Variants in SENP6 observed in about 807,000 individuals in gnomAD.
The protein encoded by SENP6 is sentrin-specific protease 6.
A neutral mutation model predicts 134.5 loss-of-function variants in SENP6; 41 were observed. The ratio of observed to expected loss-of-function variants is 0.30; its 90% confidence interval spans 0.24 to 0.40. The LOEUF (loss-of-function observed/expected upper bound fraction) is 0.40, where lower values mean the gene tolerates loss of function less well. Ranked by LOEUF, SENP6 falls within the 10% of genes least tolerant of loss-of-function variation. SENP6 has a pLI of 1.00. For synonymous variants in SENP6, 395 were observed against 429.8 expected, an observed-to-expected ratio of 0.92 and a Z score of 1.00; for missense variants, 1,248 against 1,312.5, an observed-to-expected ratio of 0.95 and a Z score of 0.76.
At chr6:75,633,768 G>A in intron 4 of SENP6, 42 bp downstream of exon 4, 1 of 1,537,552 alleles carries the variant, frequency 6.5e-7, no homozygotes, top group Non-Finnish European at 8.7e-7. Flanking sequence ...AAAGATAAAG[G>A]AAGAGTTTGA....
chr6:75,667,236 A>C (rs1418995958), intron 10 of SENP6, among the ~76,000 whole-genome samples: 2 of 152,222 alleles, frequency 1.3e-5, no homozygotes, highest in African/African-American at 4.8e-5. Flanking sequence ...GAGAGAAGTC[A>C]TTTTGACAGA....
chr6:75,689,793 T>C (rs1404039875), intron 16 of SENP6, among the ~76,000 whole-genome samples: 1 of 152,204 alleles, frequency 6.6e-6, no homozygotes, highest in Non-Finnish European at 1.5e-5. Context: ...TATAGGACAC[T>C]ATGCCACCTC....
chr6:75,707,990 AGT>A (rs1180675763), intron 19 of SENP6, among the ~76,000 whole-genome samples: 1 of 152,090 alleles, frequency 6.6e-6, no homozygotes, highest in African/African-American at 2.4e-5. Flanking sequence ...CCGGCCCCAT[AGT>A]GCTTCATTGG....
chr6:75,657,485 A>G (rs766244), intron 7 of SENP6, among the ~76,000 whole-genome samples: 43,502 of 152,062 alleles, frequency 0.29, 6,795 homozygotes, highest in Middle Eastern at 0.37. Flanking sequence ...ATGAATCATT[A>G]TCTCTGTGTC....
In SENP6 at chr6:75,660,330, A is replaced by G. The variant is rs548118067; in HGVS notation, c.696+923A>G. Among the ~76,000 whole-genome samples, 9 of 152,360 alleles carry G rather than the reference A, an allele frequency of 5.9e-5. No homozygotes were observed. The East Asian group carries it at 1.7e-3, about 29-fold the overall frequency. ...TTTCTTCACTGCAATGTCAGTTAAT[A>G]GGTATTTGACTAATTCATTAATAAG... On this transcript the variant is annotated intron_variant, in intron 8 of 23. Transcript: ENST00000447266.
At chr6:75,618,861 A>T (rs1768047459) in intron 1 of SENP6, among the ~76,000 whole-genome samples, 1 of 152,110 alleles carries the variant, frequency 6.6e-6, no homozygotes, top group African/African-American at 2.4e-5. Context: ...ATCCCAGTAT[A>T]CATGTTAGGA....
intron 1 of SENP6, among the ~76,000 whole-genome samples, chr6:75,606,500 G>A (rs1767037980): frequency 6.6e-6 from 1 of 152,182 alleles, no homozygotes; most frequent in Non-Finnish European, 1.5e-5. Flanking sequence ...AGGCATAACA[G>A]TGAGGGAGAA....
chr6:75,622,811 C>T lies in SENP6; in HGVS notation c.147-1089C>T, dbSNP rs924671468. 30 of 1,288,674 alleles carry T rather than the reference C, an allele frequency of 2.3e-5. No individual in the cohort carries two copies. In the East Asian group the frequency reaches 4.4e-4, roughly 19 times the overall value. The allele number at this position is 1,288,674 out of a possible 1,614,324, so 79.8% of individuals were successfully genotyped here. A position where few individuals can be genotyped will look rare whatever the true frequency, so the allele number is the denominator to read the frequency against. ...TCATTACCACTTTATGTGCCTTCAC[C>T]GATGAGATGTTGATTTGAAGTTTTA... On this transcript the variant is annotated intron_variant, in intron 2 of 23. Coordinates refer to ENST00000447266, the MANE Select transcript of SENP6 (RefSeq NM_015571.4).
intron 4 of SENP6, among the ~76,000 whole-genome samples, chr6:75,634,058 C>G (rs562939003): frequency 6.6e-6 from 1 of 152,268 alleles, no homozygotes; most frequent in Non-Finnish European, 1.5e-5. Context: ...TTAGGAAATA[C>G]TAATCAGGAT....
intron 6 of SENP6, 172 bp from the exon 7 acceptor site, chr6:75,647,559 C>T (rs1200337286): frequency 2.7e-6 from 1 of 368,854 alleles, no homozygotes; most frequent in Non-Finnish European, 4.9e-6. Context: ...TAAAATTTTA[C>T]AAATTGAGTT....
chr6:75,699,512 G>C lies in SENP6; in HGVS notation c.2288+1995G>C, dbSNP rs1774889275. The stretch of plus-strand genomic sequence containing the variant: ...TCTTTCTTTCTTTTTTCTCGAGATA[G>C]GGTCTCTGTCTGTCACTCAGGCTGG... On this transcript the variant is annotated intron_variant, in intron 18 of 23. Coordinates refer to ENST00000447266, the MANE Select transcript of SENP6 (RefSeq NM_015571.4). Among the ~76,000 whole-genome samples the C allele has an allele frequency of 2.6e-5, 4 of 151,636 alleles. No individual in the cohort carries two copies. The South Asian group carries it at 8.4e-4, about 32-fold the overall frequency.
At chr6:75,636,929 G>A (rs530543481) in intron 5 of SENP6, among the ~76,000 whole-genome samples, 36 of 147,634 alleles carry the variant, frequency 2.4e-4, no homozygotes, top group African/African-American at 8.5e-4. Flanking sequence ...TGCCCAGGCT[G>A]TAGTGTAGTG....
At position 75,718,015 on chromosome 6, in the gene SENP6, T is replaced by C. The variant is rs1451096235; in HGVS notation, c.*2421T>C. The C allele has an allele frequency of 6.6e-6, 1 of 152,136 alleles. No individual in the cohort carries two copies. The highest frequency in any genetic ancestry group is 1.5e-5 in the Non-Finnish European group (1 of 68,014). 9.4% of individuals were successfully genotyped at this position (152,136 alleles called of 1,614,324 possible). On this transcript the variant is annotated 3_prime_UTR_variant, in exon 24 of 24. Coordinates refer to ENST00000447266, the MANE Select transcript of SENP6 (RefSeq NM_015571.4). ...CAAGTTCACATAACCCTAAAAAAGGTTTTCTTTGTGTAGTAACTTGTGCTT... is the reference window on the plus strand; with the variant it reads ...CAAGTTCACATAACCCTAAAAAAGGCTTTCTTTGTGTAGTAACTTGTGCTT...
intron 8 of SENP6, among the ~76,000 whole-genome samples, chr6:75,659,766 ACTCTC>A (rs1296331227): frequency 6.6e-6 from 1 of 151,808 alleles, no homozygotes; most frequent in Non-Finnish European, 1.5e-5. Context: ...TATTGTCCTC[ACTCTC>A]TATGCCTTTT....
At chr6:75,662,441 A>G (rs1417968250) in intron 8 of SENP6, among the ~76,000 whole-genome samples, 1 of 152,026 alleles carries the variant, frequency 6.6e-6, no homozygotes, top group African/African-American at 2.4e-5. Flanking sequence ...AGGTTTAGTC[A>G]GTTTTTGTTT....
chr6:75,715,537 A>C lies in SENP6; in HGVS notation c.3282A>C (p.Ser1094=). 1 of 1,613,450 alleles carries C rather than the reference A, an allele frequency of 6.2e-7. No individual in the cohort carries two copies. Among genetic ancestry groups the C allele is most frequent in the East Asian group, 2.2e-5 (1 of 44,810 alleles). ...KEKRKHKDTY[S]TEAPLGEGTE... is the part of the protein sequence containing the mutation. ...AAAGAAAGCATAAGGACACTTACTC[A>C]ACAGAAGCACCTTTAGGCGAAGGAA... Residue 1094 remains serine (S), a synonymous_variant, in exon 24 of 24, where the codon TCA becomes TCC. Transcript: ENST00000447266.
At chr6:75,692,605 G>A (rs1157562288) in intron 16 of SENP6, among the ~76,000 whole-genome samples, 1 of 151,988 alleles carries the variant, frequency 6.6e-6, no homozygotes, top group African/African-American at 2.4e-5. Flanking sequence ...CAGCCTGGGC[G>A]AGAGAGTGAG....
chr6:75,653,475 AT>A (rs1562009621), intron 7 of SENP6, among the ~76,000 whole-genome samples: 1 of 152,024 alleles, frequency 6.6e-6, no homozygotes. Context: ...GTCCTTGTAG[AT>A]TTATTTTTAT....
At position 75,702,923 on chromosome 6, in the gene SENP6, G is replaced by A. The variant is rs768186035; in HGVS notation, c.2567G>A (p.Ser856Asn). The change falls in exon 19 of 24, where the codon AGT (serine) becomes AAT (asparagine). Residue 856 changes from serine (S) to asparagine (N), a missense_variant. Ser to Asn is a conservative substitution (Grantham distance 46). Coordinates refer to ENST00000447266, the MANE Select transcript of SENP6 (RefSeq NM_015571.4). Reference protein sequence around the residue: ...SDPRYKRNICSVKYSVKKINH... With the variant: ...SDPRYKRNICNVKYSVKKINH... ...CCTCGTTATAAGAGAAACATATGCA[G>A]TGTAAAATACAGTGTGAAAAAAATA... The A allele has an allele frequency of 4.3e-6, 7 of 1,614,066 alleles. No homozygotes were observed. The highest frequency in any genetic ancestry group is 1.1e-5 in the South Asian group (1 of 91,078).
Sources: gnomAD v4.1 joint callset for allele counts (sites outside exome capture counted in the v4.1 genomes callset) on GRCh38, gnomAD v4.1.1 for gene constraint, MANE v1.5 for transcripts, NCBI Gene and HGNC (gene_info 2026-07-23, HGNC 2026-07-21) for gene names.